KIF4A: variants seen among roughly 807,000 people sequenced by gnomAD.
KIF4A encodes the protein kinesin family member 4A.
Under a neutral mutation model 105.9 loss-of-function variants are expected in KIF4A, and 7 were observed. That is an observed-to-expected ratio of 0.07 (90% CI 0.04 to 0.12). KIF4A has a LOEUF of 0.12. KIF4A is among the 10% of genes least tolerant of loss of function. The pLI, the probability that KIF4A is intolerant of heterozygous loss-of-function variation, is 1.00. For missense variants in KIF4A, 558 were observed against 929.2 expected (o/e 0.60, Z 5.19); for synonymous variants, 281 against 331.3 (o/e 0.85, Z 1.65).
At chrX:70,363,027 A>C in intron 15 of KIF4A, among the ~76,000 whole-genome samples, 1 of 110,767 alleles carries the variant, frequency 9.0e-6, no homozygotes, top group African/African-American at 3.3e-5. Context: ...GGTTCAAGGG[A>C]TCCTCCCACC....
rs761724234 is a variant in KIF4A, at chrX:70,402,766, A to C, written c.2619+71A>C. ...TGAAATGGGATGTTAGCCTTGAAAT[A>C]TTGTCAAAGTGTTATTGCCACTTTT... On this transcript the variant is annotated intron_variant, in intron 23 of 30. Transcript: ENST00000374403. 8.1e-6 allele frequency: 9 copies of C among 1,113,380 alleles called. No homozygotes were observed. The African/African-American group carries it at 1.4e-4, about 18-fold the overall frequency. The allele number at this position is 1,113,380 out of a possible 1,213,427, so 91.8% of individuals were successfully genotyped here.
At position 70,357,680 on chromosome X, in the gene KIF4A, T is replaced by C. The variant is rs1374020619; in HGVS notation, c.1674+3873T>C. ...TCTTTTACTTGTTAGTTTGGCTGGG[T>C]TTACAATTCTATAGAAATGTTTTCT... On this transcript the variant is annotated intron_variant, in intron 15 of 30. Transcript: ENST00000374403. Among the ~76,000 whole-genome samples, 9 of 112,642 alleles carry C rather than the reference T, an allele frequency of 8.0e-5. No homozygotes were observed. The Admixed American group carries it at 8.4e-4, about 11-fold the overall frequency.
intron 10 of KIF4A, among the ~76,000 whole-genome samples, chrX:70,338,649 A>G (rs752072010): frequency 8.9e-6 from 1 of 112,043 alleles, no homozygotes; most frequent in African/African-American, 3.3e-5. Flanking sequence ...TTCATGGGGT[A>G]AATGCCTGGG....
chrX:70,414,266 G>GA (rs898567864), intron 28 of KIF4A, among the ~76,000 whole-genome samples: 1 of 110,686 alleles, frequency 9.0e-6, no homozygotes, highest in Non-Finnish European at 1.9e-5. Context: ...CTGCTAATCA[G>GA]AAAAAAAATG....
chrX:70,358,954 T>C (rs968434999), intron 15 of KIF4A, among the ~76,000 whole-genome samples: 1 of 112,250 alleles, frequency 8.9e-6, no homozygotes, highest in Non-Finnish European at 1.9e-5. Context: ...TGGTACTGCA[T>C]CCCTGCTATT....
intron 28 of KIF4A, among the ~76,000 whole-genome samples, chrX:70,407,685 A>G (rs765688630): frequency 8.0e-5 from 9 of 112,257 alleles, no homozygotes; most frequent in Admixed American, 5.7e-4. Context: ...CTGATCCCAA[A>G]ATGATCATAA....
chrX:70,329,478 C>T lies in KIF4A; in HGVS notation c.852C>T (p.Gly284=), dbSNP rs1318725832. 4.1e-6 allele frequency: 5 copies of T among 1,210,939 alleles called. No homozygotes were observed. The highest frequency in any genetic ancestry group is 5.9e-5 in the East Asian group (2 of 33,812). The change falls in exon 8 of 31, where the codon GGC becomes GGT. Residue 284 remains glycine (G), a synonymous_variant. Transcript: ENST00000374403. ...CTCTTGGAGATGACAAAAAGGGTGG[C>T]TTTGTGCCCTACAGAGATTCCAAGT... ...ISALGDDKKG[G]FVPYRDSKLT...
In KIF4A at chrX:70,324,709, G is replaced by T. The variant is rs1403641728; in HGVS notation, c.779-4696G>T. On this transcript the variant is annotated intron_variant, in intron 7 of 30. Transcript: ENST00000374403. Reference sequence around the variant, plus strand: ...AAATAAAATCATTTGAAAAAAAAAAGAATGGTAAAGGGTTTTTTAAACACC... The same window carrying T: ...AAATAAAATCATTTGAAAAAAAAAATAATGGTAAAGGGTTTTTTAAACACC... 2.5e-4 allele frequency among the ~76,000 whole-genome samples: 27 copies of T among 109,494 alleles called. 1 individual carries two copies. In the Admixed American group the frequency reaches 2.6e-3, roughly 11 times the overall value.
At chrX:70,414,448 A>C (rs957093525) in intron 28 of KIF4A, among the ~76,000 whole-genome samples, 1 of 112,033 alleles carries the variant, frequency 8.9e-6, no homozygotes, top group African/African-American at 3.2e-5. Context: ...GTCCATAACA[A>C]GGGAGGTGTT....
At chrX:70,374,650 G>C (rs1379015719) in intron 16 of KIF4A, among the ~76,000 whole-genome samples, 1 of 111,328 alleles carries the variant, frequency 9.0e-6, no homozygotes, top group Non-Finnish European at 1.9e-5. Flanking sequence ...TGGTAAATTA[G>C]CTTGTGAATG....
At chrX:70,336,574 C>T (rs766611319) in intron 10 of KIF4A, among the ~76,000 whole-genome samples, 1 of 111,206 alleles carries the variant, frequency 9.0e-6, no homozygotes, top group Non-Finnish European at 1.9e-5. Flanking sequence ...AATGCTATCT[C>T]AGTGTTGTTT....
chrX:70,316,741 C>T (rs2085871082), intron 7 of KIF4A, among the ~76,000 whole-genome samples: 1 of 111,665 alleles, frequency 9.0e-6, no homozygotes, highest in Non-Finnish European at 1.9e-5. Flanking sequence ...CACTGTCTTC[C>T]CCAAAGAGTA....
chrX:70,380,514 G>A (rs1267263897), intron 18 of KIF4A, among the ~76,000 whole-genome samples: 1 of 111,819 alleles, frequency 8.9e-6, no homozygotes, highest in Non-Finnish European at 1.9e-5. Flanking sequence ...ACTAGGAATA[G>A]AAGAGAACTT....
At chrX:70,385,819 T>C (rs2086215592) in intron 18 of KIF4A, among the ~76,000 whole-genome samples, 2 of 112,358 alleles carry the variant, frequency 1.8e-5, no homozygotes. Flanking sequence ...TGGTATTCTT[T>C]ATCTTTAATC....
rs749979719 is a variant in KIF4A, at chrX:70,384,649, G to A, written c.2035-1969G>A. On this transcript the variant is annotated intron_variant, in intron 18 of 30. Coordinates refer to ENST00000374403, the MANE Select transcript of KIF4A (RefSeq NM_012310.5). ...TGAGGCAGGAGAATCGCTTGAACCC[G>A]GGAGGTGGAGGTTGCAGTGAGCAGA... 3.6e-5 allele frequency among the ~76,000 whole-genome samples: 4 copies of A among 110,120 alleles called. No individual in the cohort carries two copies. The South Asian group carries it at 1.6e-3, about 44-fold the overall frequency.
rs868268930 is a variant in KIF4A at position 70,372,084 on chromosome X, A to G, written c.1675-2067A>G. ...AGACGCTCCTCACTTCCTAGATGGG[A>G]TGGCGGCCGGGAAGAGGCGCTCCTC... On this transcript the variant is annotated intron_variant, in intron 15 of 30. Coordinates refer to ENST00000374403, the MANE Select transcript of KIF4A (RefSeq NM_012310.5). Among the ~76,000 whole-genome samples, 11 of 88,648 alleles carry G rather than the reference A, an allele frequency of 1.2e-4. No homozygotes were observed. In the South Asian group the frequency reaches 2.1e-3, roughly 17 times the overall value. 77.0% of individuals were successfully genotyped at this position (88,648 alleles called of 115,157 possible). A position where few individuals can be genotyped will look rare whatever the true frequency, so the allele number is the denominator to read the frequency against.
At chrX:70,411,240 A>G (rs1008978947) in intron 28 of KIF4A, among the ~76,000 whole-genome samples, 1 of 109,866 alleles carries the variant, frequency 9.1e-6, no homozygotes, top group African/African-American at 3.3e-5. Context: ...GCAGTGAACT[A>G]TGATTGTGCC....
intron 20 of KIF4A, among the ~76,000 whole-genome samples, chrX:70,391,319 AT>A (rs1259906083): frequency 8.9e-6 from 1 of 111,741 alleles, no homozygotes; most frequent in African/African-American, 3.3e-5. Context: ...GTAGACTATC[AT>A]GCTGTCTGTA....
At chrX:70,309,824 A>G (rs2085841644) in intron 7 of KIF4A, among the ~76,000 whole-genome samples, 1 of 112,489 alleles carries the variant, frequency 8.9e-6, no homozygotes, top group Admixed American at 9.4e-5. Context: ...AGGGCAGATC[A>G]CTTGAGGCCA....
Sources: gnomAD v4.1 joint callset for allele counts (sites outside exome capture counted in the v4.1 genomes callset) on GRCh38, gnomAD v4.1.1 for gene constraint, MANE v1.5 for transcripts, NCBI Gene and HGNC (gene_info 2026-07-23, HGNC 2026-07-21) for gene names.